ZBTB38: variants seen among roughly 807,000 people sequenced by gnomAD.
The protein encoded by ZBTB38 is zinc finger and BTB domain-containing protein 38.
A neutral mutation model predicts 76.8 loss-of-function variants in ZBTB38; 20 were observed. The observed-to-expected ratio is 0.26, with a 90% CI of 0.18 to 0.38. The LOEUF (loss-of-function observed/expected upper bound fraction) is 0.38. Ranked by LOEUF, ZBTB38 falls within the 10% of genes least tolerant of loss-of-function variation. The pLI is 1.00. For missense variants in ZBTB38, 1,082 were observed against 1,482.3 expected (o/e 0.73, Z 4.43); for synonymous variants, 504 against 544.2 (o/e 0.93, Z 1.03).
intron 1 of ZBTB38, among the ~76,000 whole-genome samples, chr3:141,369,038 G>C (rs1944156261): frequency 2.6e-5 from 4 of 151,108 alleles, no homozygotes; most frequent in Admixed American, 1.3e-4. Flanking sequence ...AAACCCTGGG[G>C]AGAACAGCCC....
chr3:141,407,929 CCACCCCGCAT>C (rs1340775344), intron 5 of ZBTB38, among the ~76,000 whole-genome samples: 2 of 152,174 alleles, frequency 1.3e-5, no homozygotes, highest in African/African-American at 4.8e-5. Context: ...TTGCACCCTC[CCACCCCGCAT>C]CATCTCATTG....
At chr3:141,371,971 T>A (rs1944677802) in intron 2 of ZBTB38, among the ~76,000 whole-genome samples, 1 of 152,142 alleles carries the variant, frequency 6.6e-6, no homozygotes, top group Admixed American at 6.5e-5. Flanking sequence ...TGGTACCTAG[T>A]TCTCTAGTTT....
intron 5 of ZBTB38, chr3:141,426,292 G>C: frequency 4.9e-6 from 4 of 817,460 alleles, no homozygotes; most frequent in East Asian, 6.4e-5. Context: ...CCCTGGCTCA[G>C]TGTCAGTGAT....
At chr3:141,330,730 G>C (rs1379019586) in intron 1 of ZBTB38, among the ~76,000 whole-genome samples, 1 of 152,206 alleles carries the variant, frequency 6.6e-6, no homozygotes, top group East Asian at 1.9e-4. Context: ...AATCATGAGG[G>C]CTCTGCCCTC....
At chr3:141,387,476 T>C (rs1947432313) in intron 4 of ZBTB38, 1 of 152,244 alleles carries the variant, frequency 6.6e-6, no homozygotes, top group Non-Finnish European at 1.5e-5. Context: ...TTAACTCTTA[T>C]GCACTCCATC....
intron 1 of ZBTB38, among the ~76,000 whole-genome samples, chr3:141,351,021 A>G (rs552886860): frequency 1.2e-3 from 186 of 152,314 alleles, no homozygotes; most frequent in Non-Finnish European, 2.4e-3. Flanking sequence ...TTTCTTAACA[A>G]TGTGCATTAT....
chr3:141,400,749 T>C (rs1951674639), intron 4 of ZBTB38, among the ~76,000 whole-genome samples: 1 of 152,242 alleles, frequency 6.6e-6, no homozygotes, highest in South Asian at 2.1e-4. Flanking sequence ...ATGTATTATC[T>C]CATTTAGTTC....
intron 1 of ZBTB38, among the ~76,000 whole-genome samples, chr3:141,346,375 C>T (rs1358845238): frequency 2.0e-5 from 3 of 152,250 alleles, no homozygotes; most frequent in Non-Finnish European, 2.9e-5. Context: ...TTGAAATAAA[C>T]GCTTCCCATT....
intron 4 of ZBTB38, chr3:141,392,694 G>A (rs1949248377): frequency 6.6e-6 from 1 of 152,230 alleles, no homozygotes; most frequent in Non-Finnish European, 1.5e-5. Flanking sequence ...ATTGCCAGGT[G>A]ACCTCAATAA....
At chr3:141,361,240 G>A (rs1261824349) in intron 1 of ZBTB38, among the ~76,000 whole-genome samples, 4 of 152,150 alleles carry the variant, frequency 2.6e-5, no homozygotes, top group Admixed American at 6.5e-5. Context: ...TAGATATGGC[G>A]GGGAGGGGAG....
rs2080533536 is a variant in ZBTB38 at position 141,442,800 on chromosome 3, A to G, written c.412A>G (p.Ile138Val). ...SNSPGPYVFCITEKGVVKEEK... is the reference protein window; with the variant it reads ...SNSPGPYVFCVTEKGVVKEEK... ...TTCCCCGGGTCCCTATGTATTCTGT[A>G]TTACTGAAAAGGGAGTGGTTAAAGA... The change falls in exon 6 of 6, where the codon ATT (isoleucine) becomes GTT (valine). Residue 138 changes from isoleucine (I) to valine (V), a missense_variant. By Grantham distance (29) the Ile-to-Val change is conservative. Coordinates refer to ENST00000321464, the MANE Select transcript of ZBTB38 (RefSeq NM_001376113.1). This position sits in a 1 kb window ranked among gnomAD's most constrained non-coding sequence, Gnocchi z 6.4. 1 of 1,614,206 alleles carries G rather than the reference A, an allele frequency of 6.2e-7. No homozygotes were observed. Among genetic ancestry groups the G allele is most frequent in the Non-Finnish European group, 8.5e-7 (1 of 1,180,044 alleles).
At chr3:141,392,019 C>G (rs1410743788) in intron 4 of ZBTB38, among the ~76,000 whole-genome samples, 1 of 152,166 alleles carries the variant, frequency 6.6e-6, no homozygotes, top group Non-Finnish European at 1.5e-5. Flanking sequence ...TGACAAAGGT[C>G]AGGGAACAAA....
chr3:141,443,184 CCAAAGA>C lies in ZBTB38; in HGVS notation c.799_804del (p.Lys267_Thr268del). 6.2e-7 allele frequency: 1 copy of C among 1,614,198 alleles called. No homozygotes were observed. On this transcript the variant is annotated inframe_deletion, in exon 6 of 6. Transcript: ENST00000321464. This position sits in a 1 kb window ranked among gnomAD's most constrained non-coding sequence, Gnocchi z 5.6. ...AGCGAAACCGAAAACATGCCGGAAG[CCAAAGA>C]CATTCTCCATACCACAGGATTCGGA...
At chr3:141,392,498 T>C (rs1461171801) in intron 4 of ZBTB38, among the ~76,000 whole-genome samples, 1 of 152,212 alleles carries the variant, frequency 6.6e-6, no homozygotes, top group African/African-American at 2.4e-5. Flanking sequence ...AATGGCATGC[T>C]GTTCTCTTAA....
intron 1 of ZBTB38, among the ~76,000 whole-genome samples, chr3:141,336,341 C>T (rs1192424532): frequency 6.6e-6 from 1 of 152,142 alleles, no homozygotes; most frequent in Non-Finnish European, 1.5e-5. Flanking sequence ...CCAAGAGCAA[C>T]TGGCATGGTT....
intron 2 of ZBTB38, among the ~76,000 whole-genome samples, chr3:141,380,223 C>T (rs1258365715): frequency 6.6e-6 from 1 of 152,148 alleles, no homozygotes; most frequent in African/African-American, 2.4e-5. Context: ...CTTCCTTGTC[C>T]TTTAATTCTG....
chr3:141,357,876 A>C (rs1193485167), intron 1 of ZBTB38, among the ~76,000 whole-genome samples: 4 of 152,182 alleles, frequency 2.6e-5, no homozygotes, highest in Non-Finnish European at 5.9e-5. Flanking sequence ...AATTAACACC[A>C]CCTAACCACA....
intron 2 of ZBTB38, among the ~76,000 whole-genome samples, chr3:141,381,000 G>A (rs753592511): frequency 1.3e-5 from 2 of 152,030 alleles, no homozygotes; most frequent in Non-Finnish European, 2.9e-5. Flanking sequence ...TCCCTTTTCA[G>A]CCTAGTTGCC....
intron 1 of ZBTB38, among the ~76,000 whole-genome samples, chr3:141,361,109 T>A (rs2148958734): frequency 6.6e-6 from 1 of 152,304 alleles, no homozygotes; most frequent in South Asian, 2.1e-4. Flanking sequence ...TTGACTTTGT[T>A]TCTGTTTCTG....
Sources: gnomAD v4.1 joint callset for allele counts (sites outside exome capture counted in the v4.1 genomes callset) on GRCh38, gnomAD v4.1.1 for gene constraint, Gnocchi (gnomAD v3.1) non-coding constraint, MANE v1.5 for transcripts, NCBI Gene and HGNC (gene_info 2026-07-23, HGNC 2026-07-21) for gene names.